The following ESR1 variants were observed in gnomAD, a reference collection of about 807,000 sequenced individuals.
The protein encoded by ESR1 is estrogen receptor.
Under a neutral mutation model 52.7 loss-of-function variants are expected in ESR1, and 12 were observed. The observed-to-expected ratio is 0.23, with a 90% CI of 0.15 to 0.37. The LOEUF (loss-of-function observed/expected upper bound fraction) is 0.37. Ranked by LOEUF, ESR1 falls within the 10% of genes least tolerant of loss-of-function variation. The pLI is 1.00. For synonymous variants in ESR1, 305 were observed against 316.8 expected (o/e 0.96, Z 0.39); for missense variants, 584 against 779.7 (o/e 0.75, Z 2.99).
chr6:151,877,488 C>T (rs1214967664), intron 2 of ESR1, among the ~76,000 whole-genome samples: 1 of 152,082 alleles, frequency 6.6e-6, no homozygotes. Flanking sequence ...AAAGGTTTGC[C>T]GTATGAACAT....
At chr6:151,786,675 C>CT (rs11409681) in intron 2 of ESR1, among the ~76,000 whole-genome samples, 71,642 of 145,826 alleles carry the variant, frequency 0.49, 18,053 homozygotes, top group Admixed American at 0.58. Flanking sequence ...ATTATTAAGA[C>CT]TTTTTTTTTT....
chr6:151,805,000 G>GTT (rs1305786754), upstream of ESR1: 1 of 152,170 alleles, frequency 6.6e-6, no homozygotes, highest in Non-Finnish European at 1.5e-5. Flanking sequence ...TAAAACAAAG[G>GTT]TATCTACCTT....
intron 3 of ESR1, among the ~76,000 whole-genome samples, chr6:151,914,965 A>G (rs1291730393): frequency 6.6e-6 from 1 of 152,222 alleles, no homozygotes; most frequent in East Asian, 1.9e-4. Context: ...TACCAACGGA[A>G]ATTTTGGTAA....
chr6:152,123,098 G>A (rs2051963832), intron 6 of ESR1, among the ~76,000 whole-genome samples: 1 of 152,222 alleles, frequency 6.6e-6, no homozygotes, highest in Admixed American at 6.5e-5. Context: ...ATTAGTTGCT[G>A]TCAGAATCAT....
At chr6:151,959,760 G>A (rs1316893697) in intron 4 of ESR1, among the ~76,000 whole-genome samples, 1 of 152,078 alleles carries the variant, frequency 6.6e-6, no homozygotes, top group Admixed American at 6.6e-5. Flanking sequence ...ACTGAAGTTG[G>A]TTGAGCTTTG....
At chr6:151,674,740 A>C (rs1778194999) in intron 1 of ESR1, among the ~76,000 whole-genome samples, 1 of 152,154 alleles carries the variant, frequency 6.6e-6, no homozygotes, top group Admixed American at 6.5e-5. Flanking sequence ...GTGAGACGGT[A>C]TTTCATTGTG....
chr6:151,798,359 G>A (rs1264659568), intron 2 of ESR1, among the ~76,000 whole-genome samples: 1 of 152,110 alleles, frequency 6.6e-6, no homozygotes, highest in Non-Finnish European at 1.5e-5. Flanking sequence ...AATGGAGAAG[G>A]GCAGGGTGAG....
intron 5 of ESR1, among the ~76,000 whole-genome samples, chr6:152,020,497 C>T (rs1197722531): frequency 6.6e-6 from 1 of 152,168 alleles, no homozygotes; most frequent in East Asian, 1.9e-4. Context: ...GTCACCTAGA[C>T]AGGAGCGCAG....
chr6:152,043,509 G>A (rs917056595), intron 5 of ESR1, among the ~76,000 whole-genome samples: 6 of 152,238 alleles, frequency 3.9e-5, no homozygotes, highest in African/African-American at 1.4e-4. Flanking sequence ...GGGGCCTGCC[G>A]GGACTTTAGT....
At chr6:151,717,184 C>T (rs898463834) in intron 2 of ESR1, among the ~76,000 whole-genome samples, 1 of 152,196 alleles carries the variant, frequency 6.6e-6, no homozygotes, top group African/African-American at 2.4e-5. Flanking sequence ...CTGTGGGCTG[C>T]ACCCACTGTC....
At chr6:151,775,462 T>G (rs903003423) in intron 2 of ESR1, among the ~76,000 whole-genome samples, 1 of 152,034 alleles carries the variant, frequency 6.6e-6, no homozygotes, top group African/African-American at 2.4e-5. Context: ...GTTAAAACAG[T>G]CCTGGCCAGG....
chr6:151,965,179 C>T (rs1049581012), intron 4 of ESR1, among the ~76,000 whole-genome samples: 10 of 152,036 alleles, frequency 6.6e-5, no homozygotes, highest in Non-Finnish European at 1.5e-4. Flanking sequence ...TCATCTGATC[C>T]AAAACTCGCT....
At position 151,660,661 on chromosome 6, in the gene ESR1, T is replaced by C. The variant is rs193125957; in HGVS notation, n.73+3898T>C. ...CTCTTTGGCTGAGTGGACAACATTT[T>C]GGTGTTCTTTTTCTTATTGTTATTT... On this transcript the variant is annotated intron_variant and non_coding_transcript_variant, in intron 1 of 2. Coordinates refer to the ESR1 transcript ENST00000473497. Among the ~76,000 whole-genome samples the C allele has an allele frequency of 2.9e-4, 44 of 152,352 alleles. No homozygotes were observed. The East Asian group carries it at 7.1e-3, about 25-fold the overall frequency.
At chr6:151,659,492 C>T (rs1777565578) in intron 1 of ESR1, among the ~76,000 whole-genome samples, 1 of 152,190 alleles carries the variant, frequency 6.6e-6, no homozygotes, top group Admixed American at 6.5e-5. Context: ...TCCTTTTTAG[C>T]ACTGAGTTTC....
intron 2 of ESR1, among the ~76,000 whole-genome samples, chr6:151,754,882 G>A (rs897624804): frequency 6.6e-6 from 1 of 152,154 alleles, no homozygotes; most frequent in African/African-American, 2.4e-5. Flanking sequence ...TCTCCACTGG[G>A]ATTTCTAAGA....
intron 4 of ESR1, among the ~76,000 whole-genome samples, chr6:151,976,124 T>C (rs908021095): frequency 6.6e-6 from 1 of 152,198 alleles, no homozygotes; most frequent in Non-Finnish European, 1.5e-5. Flanking sequence ...GAGGTTCTCA[T>C]CTCTTTTGTT....
chr6:151,989,878 A>G (rs925091906), intron 4 of ESR1, among the ~76,000 whole-genome samples: 1 of 151,846 alleles, frequency 6.6e-6, no homozygotes, highest in African/African-American at 2.4e-5. Flanking sequence ...GTAGATGTAC[A>G]TTTTTTTCTG....
intron 5 of ESR1, among the ~76,000 whole-genome samples, chr6:152,059,955 G>A (rs2047415571): frequency 6.6e-6 from 1 of 152,086 alleles, no homozygotes; most frequent in African/African-American, 2.4e-5. Context: ...AATATGTTTA[G>A]TGTTCATATT....
chr6:151,730,513 C>T (rs540066583), intron 2 of ESR1, among the ~76,000 whole-genome samples: 23 of 152,280 alleles, frequency 1.5e-4, no homozygotes, highest in African/African-American at 5.5e-4. Flanking sequence ...ATGGCCAAAA[C>T]CTGTCCCACC....
Sources: allele counts gnomAD v4.1 joint callset (sites outside exome capture counted in the v4.1 genomes callset), GRCh38; gene constraint gnomAD v4.1.1; transcripts MANE v1.5; gene names NCBI Gene and HGNC (gene_info 2026-07-23, HGNC 2026-07-21).